Variants in MMAA observed in about 807,000 individuals in gnomAD.
MMAA encodes the protein methylmalonic aciduria type A protein, mitochondrial.
MMAA carries 41 observed loss-of-function variants against 45.0 expected under a neutral mutation model. That is an observed-to-expected ratio of 0.91 (90% CI 0.71 to 1.18). MMAA has a LOEUF of 1.18. Ranked by LOEUF, MMAA falls within the 50% of genes most tolerant of loss-of-function variation. The pLI, the probability that MMAA is intolerant of heterozygous loss-of-function variation, is 0.00. For missense variants in MMAA, 460 were observed against 495.7 expected, an observed-to-expected ratio of 0.93 and a Z score of 0.68; for synonymous variants, 154 against 178.2, an observed-to-expected ratio of 0.86 and a Z score of 1.08.
At chr4:145,640,901 G>A (rs1056467459) in intron 2 of MMAA, among the ~76,000 whole-genome samples, 3 of 152,108 alleles carry the variant, frequency 2.0e-5, no homozygotes, top group Non-Finnish European at 4.4e-5. Flanking sequence ...TGTCTTGGTG[G>A]TTAAAGTGCA....
chr4:145,638,359 ACTCCG>A (rs200030790), intron 1 of MMAA, among the ~76,000 whole-genome samples: 3,293 of 151,510 alleles, frequency 0.022, 98 homozygotes, highest in African/African-American at 0.07. Flanking sequence ...AGAGAGTGAG[ACTCCG>A]TCTCAAAAAA....
chr4:145,625,992 T>G, intron 1 of MMAA: 1 of 1,455,784 alleles, frequency 6.9e-7, no homozygotes, highest in East Asian at 2.3e-5. Flanking sequence ...CAAAAGGGGT[T>G]CTCTATTACT....
At chr4:145,639,959 C>T (rs1352560533) in intron 2 of MMAA, 4 of 528,432 alleles carry the variant, frequency 7.6e-6, no homozygotes, top group East Asian at 1.5e-4. Flanking sequence ...ATAATTATCA[C>T]GTTTGAAAAT....
chr4:145,628,721 C>T (rs1159537586), intron 1 of MMAA, among the ~76,000 whole-genome samples: 1 of 152,136 alleles, frequency 6.6e-6, no homozygotes, highest in Non-Finnish European at 1.5e-5. Flanking sequence ...GGGATTCGGA[C>T]GTGGACATGT....
intron 2 of MMAA, among the ~76,000 whole-genome samples, chr4:145,641,791 C>T (rs1035294138): frequency 6.6e-6 from 1 of 152,210 alleles, no homozygotes; most frequent in Non-Finnish European, 1.5e-5. Context: ...CGGCCGTGCA[C>T]TGCCAACTCT....
At chr4:145,624,971 C>A in intron 1 of MMAA, 1 of 1,058,952 alleles carries the variant, frequency 9.4e-7, no homozygotes, top group Non-Finnish European at 1.5e-6. Flanking sequence ...GTTTCCCTGA[C>A]AGTTGGTACA....
chr4:145,650,763 C>T, intron 4 of MMAA: 1 of 430,120 alleles, frequency 2.3e-6, no homozygotes, highest in South Asian at 2.6e-5. Context: ...GTTCAAGCTG[C>T]TCGCTGATGA....
At chr4:145,630,471 G>A (rs931880833) in intron 1 of MMAA, among the ~76,000 whole-genome samples, 6 of 152,142 alleles carry the variant, frequency 3.9e-5, no homozygotes, top group African/African-American at 1.2e-4. Flanking sequence ...GCTAACACCT[G>A]TAATCCCAGC....
At chr4:145,628,676 A>G (rs184353416) in intron 1 of MMAA, among the ~76,000 whole-genome samples, 64 of 152,254 alleles carry the variant, frequency 4.2e-4, no homozygotes, top group Non-Finnish European at 8.1e-4. Context: ...TTAATTCCCT[A>G]TTTGCCATAT....
Position 145,642,489 on chromosome 4 carries a change from A to G in MMAA, c.562+4A>G, listed in dbSNP as rs1336573288. 6.2e-7 allele frequency: 1 copy of G among 1,614,010 alleles called. No individual in the cohort carries two copies. Among genetic ancestry groups the G allele is most frequent in the African/African-American group, 1.3e-5 (1 of 74,936 alleles). ...CCTTCTTCTTGTACTAGTGGTGGTA[A>G]GTATGGCTGATTCTTTTTCAATTGC... On this transcript the variant is annotated splice_donor_region_variant and intron_variant, in intron 3 of 6. Coordinates refer to ENST00000649156, the MANE Select transcript of MMAA (RefSeq NM_172250.3).
chr4:145,658,357 A>G lies in MMAA; in HGVS notation c.*2923A>G, dbSNP rs1421477596. 2.0e-5 allele frequency: 3 copies of G among 152,232 alleles called. No individual in the cohort carries two copies. Among genetic ancestry groups the G allele is most frequent in the Non-Finnish European group, 4.4e-5 (3 of 68,032 alleles). The allele number at this position is 152,232 out of a possible 1,614,324, so 9.4% of individuals were successfully genotyped here. ...TTAAACGAGTTACAGTGTCCATCTT[A>G]AAAAGATAATTCTGAAAAAAATCTC... On this transcript the variant is annotated 3_prime_UTR_variant, in exon 7 of 7. Transcript: ENST00000649156.
intron 1 of MMAA, among the ~76,000 whole-genome samples, chr4:145,622,581 G>T (rs1462247250): frequency 6.6e-6 from 1 of 152,122 alleles, no homozygotes; most frequent in Non-Finnish European, 1.5e-5. Context: ...GAAACATTTT[G>T]ATTTGATTAT....
rs750568846 is a variant in MMAA at position 145,639,135 on chromosome 4, C to G, written c.-5C>G. ...GTGTTTTCTCCAGTTACAAATAAAA[C>G]GAATATGCCCATGCTGCTACCACAT... On this transcript the variant is annotated 5_prime_UTR_variant, in exon 2 of 7. Coordinates refer to ENST00000649156, the MANE Select transcript of MMAA (RefSeq NM_172250.3). 2.7e-5 allele frequency: 44 copies of G among 1,613,942 alleles called. 1 individual carries two copies. The Middle Eastern group carries it at 4.9e-4, about 18-fold the overall frequency.
intron 1 of MMAA, among the ~76,000 whole-genome samples, chr4:145,622,105 T>C (rs1734100299): frequency 6.6e-6 from 1 of 152,184 alleles, no homozygotes; most frequent in East Asian, 1.9e-4. Flanking sequence ...CCAAATCACA[T>C]CTTGAATTGT....
At position 145,658,615 on chromosome 4, in the gene MMAA, A is replaced by G. The variant is rs564158904; in HGVS notation, c.*3181A>G. 2.7e-5 allele frequency: 4 copies of G among 150,770 alleles called. No homozygotes were observed. Among genetic ancestry groups the G allele is most frequent in the Admixed American group, 1.3e-4 (2 of 15,080 alleles). 9.3% of individuals were successfully genotyped at this position (150,770 alleles called of 1,614,324 possible). A position where few individuals can be genotyped will look rare whatever the true frequency, so the allele number is the denominator to read the frequency against. On this transcript the variant is annotated 3_prime_UTR_variant, in exon 7 of 7. Transcript: ENST00000649156. ...GCCATTTCCCTAAGCTTTTATAGCTATTGCCCAGTGTACACTGAAGACAAC... is the reference window on the plus strand; with the variant it reads ...GCCATTTCCCTAAGCTTTTATAGCTGTTGCCCAGTGTACACTGAAGACAAC...
chr4:145,640,051 G>C (rs1053374650), intron 2 of MMAA, among the ~76,000 whole-genome samples: 1 of 151,990 alleles, frequency 6.6e-6, no homozygotes, highest in Admixed American at 6.6e-5. Flanking sequence ...TTCTCGGAGT[G>C]ACTGTAAACC....
intron 3 of MMAA, among the ~76,000 whole-genome samples, chr4:145,644,964 T>C (rs1212511853): frequency 6.6e-6 from 1 of 152,192 alleles, no homozygotes; most frequent in Non-Finnish European, 1.5e-5. Context: ...TGAGAACCAC[T>C]GTGTGAAAGA....
intron 1 of MMAA, chr4:145,625,125 T>C (rs1734175067): frequency 8.7e-7 from 1 of 1,147,598 alleles, no homozygotes; most frequent in Admixed American, 1.7e-5. Flanking sequence ...GATAGGTTCA[T>C]CTCATCTCGA....
At chr4:145,620,523 G>A (rs1734069466) in intron 1 of MMAA, among the ~76,000 whole-genome samples, 1 of 152,146 alleles carries the variant, frequency 6.6e-6, no homozygotes, top group African/African-American at 2.4e-5. Context: ...GATTTTTAAT[G>A]TTACTTGCAA....
Sources: gnomAD v4.1 joint callset for allele counts (sites outside exome capture counted in the v4.1 genomes callset) on GRCh38, gnomAD v4.1.1 for gene constraint, MANE v1.5 for transcripts, NCBI Gene and HGNC (gene_info 2026-07-23, HGNC 2026-07-21) for gene names.